LARGE1: variants seen among roughly 807,000 people sequenced by gnomAD.
LARGE1 encodes the protein xylosyl- and glucuronyltransferase LARGE1.
In LARGE1, 43 loss-of-function variants were observed where a neutral mutation model predicts 87.6. The observed-to-expected ratio is 0.49, with a 90% CI of 0.38 to 0.63. LARGE1 has a LOEUF of 0.63. Among genes scored for constraint, LARGE1 ranks in the 30% least tolerant of loss-of-function variants. The probability of loss-of-function intolerance (pLI) is 0.00; values close to 1 mark genes in which losing one functional copy is unlikely to be tolerated. For missense variants in LARGE1, 802 were observed against 1,000.2 expected, an observed-to-expected ratio of 0.80 and a Z score of 2.67; for synonymous variants, 434 against 394.6, an observed-to-expected ratio of 1.10 and a Z score of -1.18.
exon 12 of LARGE1, chr22:33,163,289 G>A (rs1384921482): frequency 6.6e-6 from 1 of 152,102 alleles, no homozygotes; most frequent in African/African-American, 2.4e-5. Context: ...TGTCACTTGG[G>A]CCTTGAATAT....
At chr22:33,763,644 T>C (rs1327381334) in intron 1 of LARGE1, among the ~76,000 whole-genome samples, 1 of 152,146 alleles carries the variant, frequency 6.6e-6, no homozygotes, top group Non-Finnish European at 1.5e-5. Context: ...GGCTGTGACC[T>C]TGACCAAGTC....
At chr22:33,778,047 T>C (rs1208893035) in intron 1 of LARGE1, among the ~76,000 whole-genome samples, 4 of 152,124 alleles carry the variant, frequency 2.6e-5, no homozygotes, top group Non-Finnish European at 4.4e-5. Context: ...GTCTTAGTTA[T>C]GAGGTGCAAT....
intron 1 of LARGE1, among the ~76,000 whole-genome samples, chr22:33,907,052 T>A (rs10427743): frequency 0.049 from 7,500 of 152,142 alleles, 634 homozygotes; most frequent in African/African-American, 0.17. Context: ...CCCCTTGGTA[T>A]GGATTAAATC....
At chr22:33,672,831 T>C (rs2081457026) in intron 2 of LARGE1, among the ~76,000 whole-genome samples, 1 of 152,224 alleles carries the variant, frequency 6.6e-6, no homozygotes, top group South Asian at 2.1e-4. Flanking sequence ...CAAGACAATA[T>C]GCCAGGTGCT....
At chr22:33,553,655 T>C (rs143986246) in intron 6 of LARGE1, among the ~76,000 whole-genome samples, 178 of 152,292 alleles carry the variant, frequency 1.2e-3, no homozygotes, top group Admixed American at 2.4e-3. Flanking sequence ...CAATACCCCA[T>C]GGGTATCATT....
chr22:33,557,232 A>C (rs1260275230), intron 6 of LARGE1, among the ~76,000 whole-genome samples: 2 of 152,196 alleles, frequency 1.3e-5, no homozygotes, highest in Admixed American at 1.3e-4. Context: ...TTCAAAGTTA[A>C]TCTGAAAATA....
At chr22:33,130,398 A>AGG in the LARGE1 span, among the ~76,000 whole-genome samples, 1 of 150,462 alleles carries the variant, frequency 6.6e-6, no homozygotes, top group African/African-American at 2.5e-5. Flanking sequence ...GCTGAGGCTC[A>AGG]AAAATCACTT....
rs556980725 is a variant in LARGE1, at chr22:33,896,607, C to A, written c.-83+23388G>T. ...TGAGAGCAACGTCCTATTGTTAGCA[C>A]CATCTCTCCCTCAATGATGCCGTCA... is the stretch of plus-strand genomic sequence containing the variant. On this transcript the variant is annotated intron_variant, in intron 1 of 14. Transcript: ENST00000397394. 2.6e-5 allele frequency among the ~76,000 whole-genome samples: 4 copies of A among 152,246 alleles called. No individual in the cohort carries two copies. In the South Asian group the frequency reaches 8.3e-4, roughly 32 times the overall value.
chr22:33,084,019 A>C, the LARGE1 span, among the ~76,000 whole-genome samples: 19 of 152,194 alleles, frequency 1.2e-4, no homozygotes, highest in African/African-American at 4.8e-5. Context: ...TTTACACCCC[A>C]GTAAACCAGA....
chr22:33,722,541 T>C (rs189512453), intron 2 of LARGE1, among the ~76,000 whole-genome samples: 29 of 152,304 alleles, frequency 1.9e-4, no homozygotes, highest in Non-Finnish European at 2.9e-4. Flanking sequence ...TGAGCACCTA[T>C]GATGTGCATG....
intron 6 of LARGE1, among the ~76,000 whole-genome samples, chr22:33,485,587 G>A (rs912812324): frequency 6.6e-6 from 1 of 152,142 alleles, no homozygotes; most frequent in South Asian, 2.1e-4. Context: ...CCATTAACTA[G>A]AGATTGGGAT....
At chr22:33,727,680 A>G (rs2083311926) in intron 2 of LARGE1, 1 of 152,216 alleles carries the variant, frequency 6.6e-6, no homozygotes, top group Non-Finnish European at 1.5e-5. Flanking sequence ...TATCATGTCC[A>G]TCTTATAGAT....
At chr22:33,908,940 G>A (rs2065539852) in intron 1 of LARGE1, among the ~76,000 whole-genome samples, 2 of 152,078 alleles carry the variant, frequency 1.3e-5, no homozygotes, top group Non-Finnish European at 1.5e-5. Flanking sequence ...TCAGCTCCAC[G>A]CAGCTGCTTT....
chr22:33,402,129 G>A (rs1027742873), intron 7 of LARGE1, among the ~76,000 whole-genome samples: 3 of 152,196 alleles, frequency 2.0e-5, no homozygotes, highest in Non-Finnish European at 4.4e-5. Flanking sequence ...AGGAAACTGA[G>A]GCTCGGAGAG....
intron 2 of LARGE1, among the ~76,000 whole-genome samples, chr22:33,734,538 A>G (rs1039871500): frequency 6.6e-6 from 1 of 152,172 alleles, no homozygotes; most frequent in Non-Finnish European, 1.5e-5. Flanking sequence ...AAACAACAGT[A>G]GTATTGTGCT....
the LARGE1 span, among the ~76,000 whole-genome samples, chr22:33,099,428 T>G: frequency 6.6e-6 from 1 of 151,994 alleles, no homozygotes; most frequent in Non-Finnish European, 1.5e-5. Flanking sequence ...TAATTGTGTA[T>G]TTTTAGTAGA....
chr22:33,740,956 G>A (rs16992927), intron 2 of LARGE1, among the ~76,000 whole-genome samples: 12,116 of 152,290 alleles, frequency 0.08, 490 homozygotes, highest in African/African-American at 0.099. Flanking sequence ...ATGTGAAAGA[G>A]GCATGGAAGA....
chr22:33,561,277 G>T (rs1444353271), intron 6 of LARGE1, among the ~76,000 whole-genome samples: 6 of 152,194 alleles, frequency 3.9e-5, no homozygotes, highest in African/African-American at 1.4e-4. Context: ...TTCCATTGAA[G>T]AACCAGGGGC....
intron 12 of LARGE1, among the ~76,000 whole-genome samples, chr22:33,291,304 G>A (rs1314637757): frequency 6.6e-6 from 1 of 152,222 alleles, no homozygotes; most frequent in East Asian, 1.9e-4. Context: ...CCATCCTGGA[G>A]TCCCACAATG....
Sources: gnomAD v4.1 joint callset for allele counts (sites outside exome capture counted in the v4.1 genomes callset) on GRCh38, gnomAD v4.1.1 for gene constraint, MANE v1.5 for transcripts, NCBI Gene and HGNC (gene_info 2026-07-23, HGNC 2026-07-21) for gene names.